SATB2: variants seen among roughly 807,000 people sequenced by gnomAD.
SATB2 encodes DNA-binding protein SATB2.
In SATB2, 1 loss-of-function variant was observed where a neutral mutation model predicts 73.4. That is an observed-to-expected ratio of 0.01 (90% CI 0.00 to 0.06). The LOEUF (loss-of-function observed/expected upper bound fraction) is 0.06, where lower values mean the gene tolerates loss of function less well. Among genes scored for constraint, SATB2 ranks in the 10% least tolerant of loss-of-function variants. The pLI is 1.00. For missense variants in SATB2, 459 were observed against 945.8 expected, an observed-to-expected ratio of 0.49 and a Z score of 6.75; for synonymous variants, 397 against 367.0, an observed-to-expected ratio of 1.08 and a Z score of -0.93.
intron 9 of SATB2, among the ~76,000 whole-genome samples, chr2:199,310,445 A>G (rs1018722132): frequency 3.9e-5 from 6 of 152,100 alleles, no homozygotes; most frequent in Admixed American, 3.9e-4. Flanking sequence ...GTCATGGTTG[A>G]TTTTCAAGGT....
At chr2:199,322,890 T>C (rs1687928307) in intron 9 of SATB2, among the ~76,000 whole-genome samples, 1 of 152,160 alleles carries the variant, frequency 6.6e-6, no homozygotes, top group Non-Finnish European at 1.5e-5. Flanking sequence ...ATTATTTACA[T>C]ATGTAGGGAT....
intron 9 of SATB2, among the ~76,000 whole-genome samples, chr2:199,322,332 AAATGC>A (rs1173192447): frequency 6.6e-6 from 1 of 152,220 alleles, no homozygotes; most frequent in African/African-American, 2.4e-5. Flanking sequence ...GAAAACCATT[AAATGC>A]ACAGTAGTTT....
intron 10 of SATB2, among the ~76,000 whole-genome samples, chr2:199,307,016 A>G (rs1687451600): frequency 6.6e-6 from 1 of 152,094 alleles, no homozygotes; most frequent in African/African-American, 2.4e-5. Context: ...TAAAAATTCC[A>G]TGAAAAGTCA....
chr2:199,430,828 C>G (rs376252324), intron 3 of SATB2, among the ~76,000 whole-genome samples: 71 of 152,316 alleles, frequency 4.7e-4, no homozygotes, highest in African/African-American at 1.5e-3. Context: ...AACGTATCTC[C>G]TCCTTTACAG....
chr2:199,469,754 T>G (rs1477550074), upstream of SATB2: 1 of 152,354 alleles, frequency 6.6e-6, no homozygotes, highest in Non-Finnish European at 1.5e-5. Context: ...GCCACGAGTA[T>G]ATCAGCAACT....
chr2:199,319,580 TG>T (rs1687829434), intron 9 of SATB2, among the ~76,000 whole-genome samples: 2 of 152,108 alleles, frequency 1.3e-5, no homozygotes, highest in African/African-American at 4.8e-5. Context: ...CGGAAGTTTT[TG>T]TTCATTGGTT....
chr2:199,356,160 AATAAG>A (rs1688975848), intron 6 of SATB2, among the ~76,000 whole-genome samples: 1 of 151,534 alleles, frequency 6.6e-6, no homozygotes, highest in African/African-American at 2.4e-5. Context: ...TGGATTCCTT[AATAAG>A]ATAACACTCT....
At chr2:199,355,324 ATGTG>A (rs71885911) in intron 6 of SATB2, among the ~76,000 whole-genome samples, 87,525 of 134,288 alleles carry the variant, frequency 0.65, 32,487 homozygotes, top group Non-Finnish European at 0.8. Context: ...ATACATATGT[ATGTG>A]TGTGTGTGTG....
chr2:199,448,343 A>T (rs1692024337), intron 2 of SATB2, among the ~76,000 whole-genome samples: 1 of 152,138 alleles, frequency 6.6e-6, no homozygotes, highest in Non-Finnish European at 1.5e-5. Context: ...GTCCTTTCCC[A>T]GGAGTCTTGG....
chr2:199,461,998 C>T (rs2105966427), upstream of SATB2, among the ~76,000 whole-genome samples: 1 of 152,318 alleles, frequency 6.6e-6, no homozygotes, highest in Admixed American at 6.5e-5. Context: ...TGCAGGGTGC[C>T]GGGCGCGGGA....
chr2:199,451,541 TTGGGAA>T (rs1447833424), intron 2 of SATB2, among the ~76,000 whole-genome samples: 1 of 151,964 alleles, frequency 6.6e-6, no homozygotes, highest in Non-Finnish European at 1.5e-5. Flanking sequence ...ATATTCATCC[TTGGGAA>T]TGGAGTTTTC....
chr2:199,395,777 C>T (rs1323279973), intron 3 of SATB2: 2 of 152,144 alleles, frequency 1.3e-5, no homozygotes, highest in African/African-American at 2.4e-5. Context: ...TACTTGAAGA[C>T]ACAAAATACT....
chr2:199,431,706 T>C (rs1202398290), intron 3 of SATB2, among the ~76,000 whole-genome samples: 1 of 152,196 alleles, frequency 6.6e-6, no homozygotes, highest in East Asian at 1.9e-4. Flanking sequence ...GCAAATTTCC[T>C]GAGAGCCCCT....
intron 10 of SATB2, among the ~76,000 whole-genome samples, chr2:199,280,531 T>G (rs905261044): frequency 6.6e-6 from 1 of 152,324 alleles, no homozygotes; most frequent in African/African-American, 2.4e-5. Context: ...ATTGCTGAAT[T>G]CTTTTTCTCA....
chr2:199,429,824 C>G (rs561642546), intron 3 of SATB2, among the ~76,000 whole-genome samples: 1 of 152,180 alleles, frequency 6.6e-6, no homozygotes. Flanking sequence ...GCAGGAGAAT[C>G]GCCTGAAACC....
At chr2:199,274,357 T>C (rs975769261) in intron 10 of SATB2, among the ~76,000 whole-genome samples, 1 of 150,724 alleles carries the variant, frequency 6.6e-6, no homozygotes, top group African/African-American at 2.5e-5. Context: ...AGCAAGCATT[T>C]AAGAAAAAAA....
intron 8 of SATB2, among the ~76,000 whole-genome samples, chr2:199,325,082 C>T (rs1381950679): frequency 1.3e-5 from 2 of 152,088 alleles, no homozygotes; most frequent in Admixed American, 1.3e-4. Context: ...GAACTTAAGG[C>T]CCTACGTTTC....
chr2:199,423,647 T>C (rs1691239613), intron 3 of SATB2: 1 of 152,146 alleles, frequency 6.6e-6, no homozygotes, highest in African/African-American at 2.4e-5. Context: ...ACCGTATTCA[T>C]AGTAATAAAA....
At chr2:199,417,837 G>C (rs947998416) in intron 3 of SATB2, among the ~76,000 whole-genome samples, 1 of 152,082 alleles carries the variant, frequency 6.6e-6, no homozygotes, top group East Asian at 1.9e-4. Context: ...CCACAAAAAA[G>C]AAAATAACAT....
Sources: gnomAD v4.1 joint callset for allele counts (sites outside exome capture counted in the v4.1 genomes callset) on GRCh38, gnomAD v4.1.1 for gene constraint, MANE v1.5 for transcripts, NCBI Gene and HGNC (gene_info 2026-07-23, HGNC 2026-07-21) for gene names.